The following DHRS4 variants were observed in gnomAD, a reference collection of about 807,000 sequenced individuals.
DHRS4 encodes the protein dehydrogenase/reductase 4.
DHRS4 carries 20 observed loss-of-function variants against 28.4 expected under a neutral mutation model. The observed-to-expected ratio is 0.71, with a 90% confidence interval of 0.50 to 1.02. DHRS4 has a LOEUF of 1.02. DHRS4 is among the 50% of genes least tolerant of loss of function. The probability of loss-of-function intolerance (pLI) is 0.00; values close to 1 mark genes in which losing one functional copy is unlikely to be tolerated. For synonymous variants in DHRS4, 144 were observed against 146.4 expected (o/e 0.98, Z 0.12); for missense variants, 378 against 367.2 (o/e 1.03, Z -0.24).
At chr14:23,959,391 C>G (rs1285666574) in intron 2 of DHRS4, among the ~76,000 whole-genome samples, 1 of 152,094 alleles carries the variant, frequency 6.6e-6, no homozygotes, top group Admixed American at 6.5e-5. Flanking sequence ...GACCCTGTCT[C>G]TATAAAAAAT....
chr14:23,964,220 TAAAAAAAAAAAAAAAAA>T lies in DHRS4; in HGVS notation c.409-1524_409-1508del, dbSNP rs71119059. On this transcript the variant is annotated intron_variant, in intron 3 of 7. Coordinates refer to ENST00000313250, the MANE Select transcript of DHRS4 (RefSeq NM_021004.4). ...AGGGTTGCCACGAAACTGCAATTTGTAAAAAAAAAAAAAAAAAAAAAAAAAAAAAAAAAACACAATAT... is the reference window on the plus strand; with the variant it reads ...AGGGTTGCCACGAAACTGCAATTTGTAAAAAAAAAAAAAAAAACACAATAT... Among the ~76,000 whole-genome samples the T allele has an allele frequency of 2.0e-4, 7 of 34,502 alleles. 1 individual carries two copies. The highest frequency in any genetic ancestry group is 0.05 in the Middle Eastern group (2 of 40). 22.6% of individuals were successfully genotyped at this position (34,502 alleles called of 152,430 possible). A position where few individuals can be genotyped will look rare whatever the true frequency, so the allele number is the denominator to read the frequency against.
At chr14:23,958,214 T>A (rs894900134) in intron 2 of DHRS4, among the ~76,000 whole-genome samples, 1 of 152,012 alleles carries the variant, frequency 6.6e-6, no homozygotes, top group Non-Finnish European at 1.5e-5. Flanking sequence ...GATTTACACA[T>A]TGACAGCCCA....
chr14:23,967,383 C>T (rs929139057), intron 7 of DHRS4, 117 bp downstream of exon 7: 2 of 1,292,868 alleles, frequency 1.5e-6, no homozygotes, highest in African/African-American at 1.5e-5. Flanking sequence ...CTCTCTTCTG[C>T]CTCACAGACC....
chr14:23,954,049 C>T, intron 1 of DHRS4, 133 bp downstream of exon 1: 1 of 1,407,890 alleles, frequency 7.1e-7, no homozygotes, highest in South Asian at 1.4e-5. Flanking sequence ...AAAAAGGTAG[C>T]CACGTGGTCC....
chr14:23,954,788 G>A (rs1201431866), intron 1 of DHRS4, among the ~76,000 whole-genome samples: 2 of 152,238 alleles, frequency 1.3e-5, no homozygotes, highest in African/African-American at 4.8e-5. Context: ...CACCCATGGT[G>A]GGAACTGTAG....
At chr14:23,966,778 A>C (rs1358111235) in intron 6 of DHRS4, among the ~76,000 whole-genome samples, 1 of 152,266 alleles carries the variant, frequency 6.6e-6, no homozygotes. Context: ...TGAAAGAGGG[A>C]AGTCTCTCTC....
chr14:23,964,255 C>CAAAACAAAAAA (rs2033534775), intron 3 of DHRS4, among the ~76,000 whole-genome samples: 10 of 71,142 alleles, frequency 1.4e-4, no homozygotes, highest in East Asian at 3.3e-4. Flanking sequence ...AAAAAAAAAA[C>CAAAACAAAAAA]ACAATATCTG....
chr14:23,963,034 A>G (rs999494204), intron 3 of DHRS4, among the ~76,000 whole-genome samples: 2 of 126,912 alleles, frequency 1.6e-5, no homozygotes, highest in African/African-American at 7.8e-5. Flanking sequence ...TCTGAGCAGT[A>G]GCTATCAACG....
intron 2 of DHRS4, among the ~76,000 whole-genome samples, chr14:23,956,167 G>C (rs1235164087): frequency 6.6e-6 from 1 of 152,214 alleles, no homozygotes; most frequent in African/African-American, 2.4e-5. Flanking sequence ...ATGAGTCCAA[G>C]AAAGTCACAA....
intron 3 of DHRS4, among the ~76,000 whole-genome samples, chr14:23,964,111 G>T (rs1162750240): frequency 6.7e-6 from 1 of 148,740 alleles, no homozygotes; most frequent in Non-Finnish European, 1.5e-5. Context: ...TAATGGAAAG[G>T]TCTGAAATAT....
chr14:23,969,035 C>T lies in DHRS4; in HGVS notation c.*164C>T. 1 of 1,338,332 alleles carries T rather than the reference C, an allele frequency of 7.5e-7. No homozygotes were observed. Among genetic ancestry groups the T allele is most frequent in the Non-Finnish European group, 9.9e-7 (1 of 1,008,716 alleles). 82.9% of individuals were successfully genotyped at this position (1,338,332 alleles called of 1,614,324 possible). On this transcript the variant is annotated 3_prime_UTR_variant, in exon 8 of 8. Transcript: ENST00000313250. ...GCCTTCCCTGCCGTCAAGGTGGCGT[C>T]TTACTCGGGATTTCTGCTGTTGTTG...
At chr14:23,963,444 C>T (rs1360996869) in intron 3 of DHRS4, among the ~76,000 whole-genome samples, 1 of 142,950 alleles carries the variant, frequency 7.0e-6, no homozygotes, top group Non-Finnish European at 1.5e-5. Context: ...TCATCTTGCA[C>T]TTTTATGTTA....
In DHRS4 at chr14:23,966,760, A is replaced by T. The variant is rs544040373; in HGVS notation, c.666+343A>T. Among the ~76,000 whole-genome samples the T allele has an allele frequency of 2.6e-5, 4 of 152,390 alleles. No homozygotes were observed. In the South Asian group the frequency reaches 8.3e-4, roughly 32 times the overall value. ...GGGGAGAGCTGGGAGCTAGAAAAAAATAGGAAGTGAAAGAGGGAAGTCTCT... is the reference window on the plus strand; with the variant it reads ...GGGGAGAGCTGGGAGCTAGAAAAAATTAGGAAGTGAAAGAGGGAAGTCTCT... On this transcript the variant is annotated intron_variant, in intron 6 of 7. Coordinates refer to ENST00000313250, the MANE Select transcript of DHRS4 (RefSeq NM_021004.4).
chr14:23,961,906 G>C lies in DHRS4; in HGVS notation c.408+1903G>C, dbSNP rs543957132. Among the ~76,000 whole-genome samples, 264 of 144,216 alleles carry C rather than the reference G, an allele frequency of 1.8e-3. 6 individuals carry two copies. The highest frequency in any genetic ancestry group is 3.1e-3 in the Non-Finnish European group (202 of 66,190). 94.6% of individuals were successfully genotyped at this position (144,216 alleles called of 152,430 possible). A position where few individuals can be genotyped will look rare whatever the true frequency, so the allele number is the denominator to read the frequency against. On this transcript the variant is annotated intron_variant, in intron 3 of 7. Transcript: ENST00000313250. ...TCAGTTTTAAACTAAGTACAGGCACGCCTCAGAGATATTGTGGGTCTGGTT... is the reference window on the plus strand; with the variant it reads ...TCAGTTTTAAACTAAGTACAGGCACCCCTCAGAGATATTGTGGGTCTGGTT...
chr14:23,956,843 A>T (rs2033194420), intron 2 of DHRS4, among the ~76,000 whole-genome samples: 1 of 152,040 alleles, frequency 6.6e-6, no homozygotes, highest in Non-Finnish European at 1.5e-5. Context: ...ACCTCAGGTG[A>T]TCCACCCCCT....
At chr14:23,957,033 A>C (rs2033205211) in intron 2 of DHRS4, among the ~76,000 whole-genome samples, 1 of 152,200 alleles carries the variant, frequency 6.6e-6, no homozygotes, top group South Asian at 2.1e-4. Flanking sequence ...TTATTAGGAA[A>C]GCTAATCTGG....
At chr14:23,957,582 G>T (rs1484413140) in intron 2 of DHRS4, among the ~76,000 whole-genome samples, 2 of 150,424 alleles carry the variant, frequency 1.3e-5, no homozygotes, top group Non-Finnish European at 2.9e-5. Context: ...CCAGAGACAG[G>T]GCCTCCTTCT....
chr14:23,961,194 A>G (rs944976873), intron 3 of DHRS4, among the ~76,000 whole-genome samples: 47 of 150,742 alleles, frequency 3.1e-4, no homozygotes, highest in Non-Finnish European at 6.2e-4. Flanking sequence ...TCTCAACACT[A>G]AAGTATCAGG....
rs2273944 is a variant in DHRS4, at chr14:23,953,881, A to G, written c.93A>G (p.Ala31=). 195,474 of 1,609,702 alleles carry G rather than the reference A, an allele frequency of 0.12. 26,855 individuals carry two copies. Among genetic ancestry groups the G allele is most frequent in the African/African-American group, 0.72 (53,762 of 74,558 alleles). ...SSGMTRRDPL[A]NKVALVTAST... is the part of the protein sequence containing the mutation. The stretch of plus-strand genomic sequence containing the variant: ...GGATGACCCGCCGGGACCCGCTCGC[A>G]AATAAGGTGGCCCTGGTAACGGCCT... Residue 31 remains alanine, a synonymous_variant, in exon 1 of 8, where the codon GCA becomes GCG. Coordinates refer to ENST00000313250, the MANE Select transcript of DHRS4 (RefSeq NM_021004.4).
Sources: allele counts gnomAD v4.1 joint callset (sites outside exome capture counted in the v4.1 genomes callset), GRCh38; gene constraint gnomAD v4.1.1; transcripts MANE v1.5; gene names NCBI Gene and HGNC (gene_info 2026-07-23, HGNC 2026-07-21).